The following CHSY3 variants were observed in gnomAD, a reference collection of about 807,000 sequenced individuals.
CHSY3 encodes the protein chondroitin sulfate synthase 3.
Under a neutral mutation model 67.2 loss-of-function variants are expected in CHSY3, and 35 were observed. The observed-to-expected ratio is 0.52, with a 90% CI of 0.40 to 0.69. The LOEUF (loss-of-function observed/expected upper bound fraction) is 0.69. Ranked by LOEUF, CHSY3 falls within the 30% of genes least tolerant of loss-of-function variation. The probability of loss-of-function intolerance (pLI) is 0.00; values close to 1 mark genes in which losing one functional copy is unlikely to be tolerated. For synonymous variants in CHSY3, 474 were observed against 434.7 expected, an observed-to-expected ratio of 1.09 and a Z score of -1.12; for missense variants, 1,069 against 1,138.5, an observed-to-expected ratio of 0.94 and a Z score of 0.88.
At chr5:129,992,709 G>A (rs547579346) in intron 2 of CHSY3, among the ~76,000 whole-genome samples, 1 of 152,180 alleles carries the variant, frequency 6.6e-6, no homozygotes, top group Non-Finnish European at 1.5e-5. Flanking sequence ...TTTATGGCAA[G>A]AGCAGCCATT....
At chr5:129,920,786 C>T (rs1010333699) in intron 2 of CHSY3, among the ~76,000 whole-genome samples, 2 of 151,990 alleles carry the variant, frequency 1.3e-5, no homozygotes, top group Non-Finnish European at 2.9e-5. Flanking sequence ...GTCATTCTTA[C>T]ATTAGACCTT....
At chr5:130,158,442 G>T (rs752474445) in intron 2 of CHSY3, among the ~76,000 whole-genome samples, 3 of 152,148 alleles carry the variant, frequency 2.0e-5, no homozygotes, top group African/African-American at 7.2e-5. Flanking sequence ...TATACCCTAC[G>T]TTAAGTTTCC....
Position 129,905,641 on chromosome 5 carries a change from C to T in CHSY3, c.802+10C>T. 6.2e-7 allele frequency: 1 copy of T among 1,610,008 alleles called. No homozygotes were observed. Among genetic ancestry groups the T allele is most frequent in the Non-Finnish European group, 8.5e-7 (1 of 1,177,602 alleles). On this transcript the variant is annotated intron_variant, in intron 1 of 2. Coordinates refer to ENST00000305031, the MANE Select transcript of CHSY3 (RefSeq NM_175856.5). ...GATGTCTACATCAAAGGTGACCTCCCTGCGCCGGCTTTCCAGCCTGCCAGT... is the reference window on the plus strand; with the variant it reads ...GATGTCTACATCAAAGGTGACCTCCTTGCGCCGGCTTTCCAGCCTGCCAGT...
At chr5:130,178,015 A>T (rs1167475151) in intron 2 of CHSY3, among the ~76,000 whole-genome samples, 1 of 150,706 alleles carries the variant, frequency 6.6e-6, no homozygotes, top group Non-Finnish European at 1.5e-5. Flanking sequence ...GCATTTTAAA[A>T]TTTCTGTTAT....
intron 2 of CHSY3, among the ~76,000 whole-genome samples, chr5:129,923,409 T>G (rs774711036): frequency 7.9e-5 from 12 of 152,098 alleles, no homozygotes; most frequent in Non-Finnish European, 1.2e-4. Context: ...CATTATTCAT[T>G]TACTCAACAA....
At chr5:130,178,519 T>C (rs1050807146) in intron 2 of CHSY3, among the ~76,000 whole-genome samples, 2 of 151,992 alleles carry the variant, frequency 1.3e-5, no homozygotes, top group Non-Finnish European at 2.9e-5. Context: ...CCGAAAGTGC[T>C]GGGATTACAG....
chr5:130,132,871 T>C (rs762395823), intron 2 of CHSY3, among the ~76,000 whole-genome samples: 1 of 152,116 alleles, frequency 6.6e-6, no homozygotes, highest in African/African-American at 2.4e-5. Flanking sequence ...CAAACATCAA[T>C]AGTACCAATG....
At chr5:130,100,520 A>G (rs1270730055) in intron 2 of CHSY3, among the ~76,000 whole-genome samples, 1 of 152,184 alleles carries the variant, frequency 6.6e-6, no homozygotes, top group Non-Finnish European at 1.5e-5. Context: ...TATTTATCAA[A>G]GTATCCGATT....
intron 2 of CHSY3, among the ~76,000 whole-genome samples, chr5:130,050,035 G>C (rs1308086366): frequency 6.6e-6 from 1 of 152,020 alleles, no homozygotes; most frequent in Non-Finnish European, 1.5e-5. Context: ...AAACTTGTAG[G>C]TATGCCTGTA....
In CHSY3 at chr5:130,010,663, T is replaced by C. The variant is rs557675140; in HGVS notation, c.1086+102303T>C. 1.8e-4 allele frequency among the ~76,000 whole-genome samples: 28 copies of C among 152,010 alleles called. No individual in the cohort carries two copies. The South Asian group carries it at 3.3e-3, about 18-fold the overall frequency. On this transcript the variant is annotated intron_variant, in intron 2 of 2. Coordinates refer to ENST00000305031, the MANE Select transcript of CHSY3 (RefSeq NM_175856.5). ...GAGCTGAACAGAGTGAAATGGAGTATTGAAAAGTATTATAAAAAATCAACA... is the reference window on the plus strand; with the variant it reads ...GAGCTGAACAGAGTGAAATGGAGTACTGAAAAGTATTATAAAAAATCAACA...
chr5:130,127,012 C>T (rs558231889), intron 2 of CHSY3, among the ~76,000 whole-genome samples: 1 of 152,148 alleles, frequency 6.6e-6, no homozygotes, highest in Non-Finnish European at 1.5e-5. Flanking sequence ...CTTTCAGAGA[C>T]ATGAAAGATA....
At position 130,117,608 on chromosome 5, in the gene CHSY3, T is replaced by C. The variant is rs188765822; in HGVS notation, c.1087-66621T>C. On this transcript the variant is annotated intron_variant, in intron 2 of 2. Transcript: ENST00000305031. ...TAGAGCATAATAAACAAATTTTTTT[T>C]ATTTTTCCTTCATATTTTCAGTGTG... Among the ~76,000 whole-genome samples the C allele has an allele frequency of 5.4e-3, 821 of 152,320 alleles. 3 individuals carry two copies. The highest frequency in any genetic ancestry group is 7.7e-3 in the Non-Finnish European group (522 of 68,036).
intron 2 of CHSY3, among the ~76,000 whole-genome samples, chr5:130,078,659 A>G (rs191751882): frequency 1.3e-5 from 2 of 152,284 alleles, no homozygotes; most frequent in African/African-American, 4.8e-5. Context: ...TTTAAAGACC[A>G]TTTGGACATA....
chr5:129,905,088 C>A lies in CHSY3; in HGVS notation c.259C>A (p.Pro87Thr), dbSNP rs1760203049. The A allele has an allele frequency of 6.5e-7, 1 of 1,542,782 alleles. No homozygotes were observed. The highest frequency in any genetic ancestry group is 1.2e-5 in the South Asian group (1 of 84,308). Reference protein sequence around the residue: ...PPARQDLQGPPLPEAAPGITS... With the variant: ...PPARQDLQGPTLPEAAPGITS... ...CGCGCGCCAGGATCTCCAGGGGCCA[C>A]CGCTGCCCGAGGCAGCACCCGGGAT... Residue 87 changes from proline (P) to threonine (T), a missense_variant, in exon 1 of 3, where the codon CCG (proline) becomes ACG (threonine). Coordinates refer to ENST00000305031, the MANE Select transcript of CHSY3 (RefSeq NM_175856.5).
chr5:129,998,793 A>C (rs1763630074), intron 2 of CHSY3, among the ~76,000 whole-genome samples: 1 of 152,000 alleles, frequency 6.6e-6, no homozygotes, highest in African/African-American at 2.4e-5. Flanking sequence ...ATTTGTAGGA[A>C]TATCTCATTC....
intron 2 of CHSY3, chr5:130,141,947 C>G (rs1000453184): frequency 4.7e-6 from 1 of 211,018 alleles, no homozygotes; most frequent in Non-Finnish European, 9.3e-6. Flanking sequence ...AAGAGGCTGA[C>G]TAAGTCAGCT....
chr5:130,071,163 T>A (rs1236743452), intron 2 of CHSY3, among the ~76,000 whole-genome samples: 2 of 152,094 alleles, frequency 1.3e-5, no homozygotes, highest in Non-Finnish European at 2.9e-5. Flanking sequence ...ATAATAAGGC[T>A]GCTGAGCTAC....
chr5:130,018,158 A>G (rs1262805949), intron 2 of CHSY3, among the ~76,000 whole-genome samples: 4 of 152,174 alleles, frequency 2.6e-5, no homozygotes, highest in Admixed American at 2.0e-4. Context: ...TCACATTCTT[A>G]TTTGTAAAAA....
At chr5:130,145,612 C>G (rs1769050079) in intron 2 of CHSY3, among the ~76,000 whole-genome samples, 1 of 152,050 alleles carries the variant, frequency 6.6e-6, no homozygotes, top group South Asian at 2.1e-4. Flanking sequence ...GAGATTACAT[C>G]AAACTAAAAA....
Sources: allele counts gnomAD v4.1 joint callset (sites outside exome capture counted in the v4.1 genomes callset), GRCh38; gene constraint gnomAD v4.1.1; transcripts MANE v1.5; gene names NCBI Gene and HGNC (gene_info 2026-07-23, HGNC 2026-07-21).